The following KY variants were observed in gnomAD, a reference collection of about 807,000 sequenced individuals.
KY encodes the protein kyphoscoliosis peptidase.
KY carries 43 observed loss-of-function variants against 76.1 expected under a neutral mutation model. The ratio of observed to expected loss-of-function variants is 0.57; its 90% CI spans 0.44 to 0.73. The LOEUF (loss-of-function observed/expected upper bound fraction) is 0.73. Among genes scored for constraint, KY ranks in the 30% least tolerant of loss-of-function variants. KY has a pLI of 0.00. For missense variants in KY, 722 were observed against 828.9 expected (o/e 0.87, Z 1.58); for synonymous variants, 277 against 326.2 (o/e 0.85, Z 1.63).
intron 6 of KY, among the ~76,000 whole-genome samples, chr3:134,621,833 A>G (rs1418781406): frequency 2.0e-5 from 3 of 152,230 alleles, no homozygotes; most frequent in African/African-American, 7.2e-5. Context: ...AGGGTTAAAT[A>G]TCCAGAATAT....
At chr3:134,619,362 A>G (rs1368003914) in intron 7 of KY, 97 bp from the exon 8 acceptor site, 8 of 865,680 alleles carry the variant, frequency 9.2e-6, no homozygotes, top group East Asian at 4.9e-5. Flanking sequence ...CACCAGCCCC[A>G]GGAAACTACA....
In KY at chr3:134,601,537, C is replaced by G. The variant is rs528960884; in HGVS notation, c.*2042G>C. 6.6e-6 allele frequency among the ~76,000 whole-genome samples: 1 copy of G among 152,340 alleles called. No homozygotes were observed. The highest frequency in any genetic ancestry group is 2.4e-5 in the African/African-American group (1 of 41,586). Reference sequence around the variant, plus strand: ...CCCATAAAATCAGAAGTGTGCAAGACGGCTGTTTTCAGGGTGTAAAACTCC... The same window carrying G: ...CCCATAAAATCAGAAGTGTGCAAGAGGGCTGTTTTCAGGGTGTAAAACTCC... On this transcript the variant is annotated 3_prime_UTR_variant, in exon 11 of 11. Coordinates refer to ENST00000423778, the MANE Select transcript of KY (RefSeq NM_178554.6).
chr3:134,601,260 G>C lies in KY; in HGVS notation c.*2319C>G, dbSNP rs937345296. Reference sequence around the variant, plus strand: ...AAAGGGGGTGCCTAGTTAAACGAGAGGGAGGGGCTTGCTGATGCCCTGCGG... The same window carrying C: ...AAAGGGGGTGCCTAGTTAAACGAGACGGAGGGGCTTGCTGATGCCCTGCGG... On this transcript the variant is annotated 3_prime_UTR_variant, in exon 11 of 11. Transcript: ENST00000423778. 1 of 89,732 alleles carries C rather than the reference G, an allele frequency of 1.1e-5. No individual in the cohort carries two copies. The highest frequency in any genetic ancestry group is 8.2e-4 in the East Asian group (1 of 1,222). 5.6% of individuals were successfully genotyped at this position (89,732 alleles called of 1,614,324 possible).
In KY at chr3:134,602,827, T is replaced by A. The variant is rs4535271; in HGVS notation, c.*752A>T. Among the ~76,000 whole-genome samples, 94,508 of 152,014 alleles carry A rather than the reference T, an allele frequency of 0.62. 30,032 individuals carry two copies. The highest frequency in any genetic ancestry group is 0.87 in the East Asian group (4,481 of 5,152). On this transcript the variant is annotated 3_prime_UTR_variant, in exon 11 of 11. Coordinates refer to ENST00000423778, the MANE Select transcript of KY (RefSeq NM_178554.6). ...CAAGGCTGCAGCTCTGCCGACAGTG[T>A]CCCTCCCACCTGCACAGCCACAGCG... is the stretch of plus-strand genomic sequence containing the variant.
intron 8 of KY, chr3:134,612,836 G>A (rs1216075299): frequency 6.6e-6 from 1 of 150,654 alleles, no homozygotes; most frequent in Non-Finnish European, 1.5e-5. Flanking sequence ...GGAGTGAGAG[G>A]GGGAGAGATG....
intron 9 of KY, 116 bp downstream of exon 9, chr3:134,610,079 C>T (rs1577604969): frequency 1.8e-6 from 2 of 1,112,934 alleles, no homozygotes; most frequent in Admixed American, 2.3e-5. Context: ...GGGCATGGGG[C>T]CTCCTGGCTC....
rs1203392641 is a variant in KY at position 134,607,439 on chromosome 3, A to T, written c.1090+1210T>A. 4 of 985,448 alleles carry T rather than the reference A, an allele frequency of 4.1e-6. No individual in the cohort carries two copies. The African/African-American group carries it at 7.0e-5, about 17-fold the overall frequency. The allele number at this position is 985,448 out of a possible 1,614,324, so 61.0% of individuals were successfully genotyped here. On this transcript the variant is annotated intron_variant, in intron 10 of 10. Transcript: ENST00000423778. ...GGCCCACCCACAGGCACCCTGTGCT[A>T]ATAGTCAGTGTGAGCTCAGACCTCC...
chr3:134,607,326 C>T, intron 10 of KY: 1 of 985,524 alleles, frequency 1.0e-6, no homozygotes, highest in Non-Finnish European at 1.2e-6. Flanking sequence ...GTGGAAGGGA[C>T]AAGTCAGTTG....
chr3:134,601,013 G>A lies in KY; in HGVS notation c.*2566C>T, dbSNP rs557999839. On this transcript the variant is annotated 3_prime_UTR_variant, in exon 11 of 11. Transcript: ENST00000423778. The stretch of plus-strand genomic sequence containing the variant: ...GCAGCGCCGGCAGCTCCGCACTTCG[G>A]ACACCTGGGGGCGCCCGTGCCATTC... 8 of 152,358 alleles carry A rather than the reference G, an allele frequency of 5.3e-5. No individual in the cohort carries two copies. In the East Asian group the frequency reaches 1.5e-3, roughly 29 times the overall value. The allele number at this position is 152,358 out of a possible 1,614,324, so 9.4% of individuals were successfully genotyped here.
chr3:134,648,274 C>T (rs556726821), intron 1 of KY, among the ~76,000 whole-genome samples: 2 of 152,284 alleles, frequency 1.3e-5, no homozygotes, highest in African/African-American at 2.4e-5. Flanking sequence ...GGAAGCTCAG[C>T]CTTGAGTCTT....
intron 6 of KY, 94 bp from the exon 7 acceptor site, chr3:134,620,951 C>G: frequency 1.3e-6 from 1 of 756,966 alleles, no homozygotes; most frequent in Non-Finnish European, 2.3e-6. Flanking sequence ...TGCTCTTCCT[C>G]CAGGCAGAGA....
At chr3:134,609,741 A>G (rs986907831) in intron 9 of KY, among the ~76,000 whole-genome samples, 8 of 152,134 alleles carry the variant, frequency 5.3e-5, no homozygotes, top group Non-Finnish European at 1.2e-4. Context: ...CCCTTTCCTC[A>G]GAAATGTGAT....
chr3:134,607,476 G>A, intron 10 of KY: 1 of 985,652 alleles, frequency 1.0e-6, no homozygotes, highest in Non-Finnish European at 1.2e-6. Context: ...GTCCTGGGCG[G>A]ATGGAGGCCC....
At chr3:134,620,947 T>G in intron 6 of KY, 90 bp from the exon 7 acceptor site, 1 of 770,940 alleles carries the variant, frequency 1.3e-6, no homozygotes, top group Non-Finnish European at 2.2e-6. Context: ...GTGCTGCTCT[T>G]CCTCCAGGCA....
At chr3:134,614,360 A>G (rs1333070211) in intron 8 of KY, among the ~76,000 whole-genome samples, 1 of 152,118 alleles carries the variant, frequency 6.6e-6, no homozygotes, top group African/African-American at 2.4e-5. Flanking sequence ...TTTTGCCTCC[A>G]TAGCTCATGG....
Position 134,608,663 on chromosome 3 carries a change from G to T in KY, c.1076C>A (p.Ser359Tyr), listed in dbSNP as rs766782040. The T allele has an allele frequency of 2.5e-6, 4 of 1,614,038 alleles. No homozygotes were observed. The South Asian group carries it at 3.3e-5, about 13-fold the overall frequency. ...KGMLSAHPET[S>Y]MIRTVNGKAT... ...TCCGGGCTCACCTGTTCTGATCATG[G>T]AAGTCTCTGGGTGGGCACTCAGCAT... The change falls in exon 10 of 11, where the codon TCC (serine) becomes TAC (tyrosine). Residue 359 changes from serine to tyrosine, a missense_variant. By Grantham distance (144) the Ser-to-Tyr change is moderately radical (BLOSUM62 -2). Around this residue, in one of 2 missense-constraint regions of KY, gnomAD observed 552 missense variants for 680.9 expected, o/e 0.81. Transcript: ENST00000423778.
chr3:134,612,461 G>A (rs1006885398), intron 8 of KY, among the ~76,000 whole-genome samples: 3 of 152,138 alleles, frequency 2.0e-5, no homozygotes, highest in African/African-American at 7.2e-5. Flanking sequence ...GTGCTGAGGG[G>A]ATGCAAGGCT....
Position 134,604,055 on chromosome 3 carries a change from T to G in KY, c.1510A>C (p.Thr504Pro). Residue 504 changes from threonine to proline, a missense_variant, in exon 11 of 11, where the codon ACT (threonine) becomes CCT (proline). Coordinates refer to ENST00000423778, the MANE Select transcript of KY (RefSeq NM_178554.6). ...ASLHGDDGPI[T>P]EETQRRYIFQ... ...ATGTAGCGCCGCTGTGTCTCCTCAG[T>G]GATGGGGCCATCATCCCCGTGGAGG... 6.2e-7 allele frequency: 1 copy of G among 1,613,934 alleles called. No individual in the cohort carries two copies. Among genetic ancestry groups the G allele is most frequent in the Non-Finnish European group, 8.5e-7 (1 of 1,179,838 alleles).
At chr3:134,608,431 C>T in intron 10 of KY, 2 of 1,506,630 alleles carry the variant, frequency 1.3e-6, no homozygotes, top group East Asian at 2.6e-5. Flanking sequence ...AGCTTTTGTC[C>T]CTGCTGATGT....
Sources: gnomAD v4.1 joint callset for allele counts (sites outside exome capture counted in the v4.1 genomes callset) on GRCh38, gnomAD v4.1.1 for gene constraint, gnomAD v4.1.1 regional missense constraint, MANE v1.5 for transcripts, NCBI Gene and HGNC (gene_info 2026-07-23, HGNC 2026-07-21) for gene names.